Variants in KCND2 observed in about 807,000 individuals in gnomAD.
The protein encoded by KCND2 is potassium voltage-gated channel subfamily D member 2.
KCND2 carries 16 observed loss-of-function variants against 54.4 expected under a neutral mutation model. That is an observed-to-expected ratio of 0.29 (90% CI 0.20 to 0.45). The LOEUF (loss-of-function observed/expected upper bound fraction) is 0.45, where lower values mean the gene tolerates loss of function less well. KCND2 is among the 20% of genes least tolerant of loss of function. KCND2 has a pLI of 1.00. For missense variants in KCND2, 486 were observed against 824.2 expected (o/e 0.59, Z 5.02); for synonymous variants, 317 against 310.7 (o/e 1.02, Z -0.21).
At chr7:120,580,081 T>C (rs1027619229) in intron 1 of KCND2, among the ~76,000 whole-genome samples, 8 of 152,374 alleles carry the variant, frequency 5.3e-5, no homozygotes, top group African/African-American at 1.9e-4. Flanking sequence ...TCCCAGTCTC[T>C]GTCCCATCGC....
intron 1 of KCND2, among the ~76,000 whole-genome samples, chr7:120,700,737 G>C (rs1792390227): frequency 6.6e-6 from 1 of 152,094 alleles, no homozygotes. Flanking sequence ...TTTTTTGATG[G>C]TTAAGATTTA....
At chr7:120,347,829 CG>C (rs1800343503) in intron 1 of KCND2, among the ~76,000 whole-genome samples, 1 of 151,768 alleles carries the variant, frequency 6.6e-6, no homozygotes, top group African/African-American at 2.4e-5. Context: ...AACAAAGAAC[CG>C]TAGACAGAGT....
chr7:120,272,958 C>G (rs1247513560), upstream of KCND2, among the ~76,000 whole-genome samples: 1 of 152,068 alleles, frequency 6.6e-6, no homozygotes, highest in Admixed American at 6.5e-5. Context: ...CACGGGTCCC[C>G]TTTCTCCTCT....
At chr7:120,704,124 CCTT>C (rs1792436473) in intron 1 of KCND2, among the ~76,000 whole-genome samples, 1 of 152,288 alleles carries the variant, frequency 6.6e-6, no homozygotes, top group South Asian at 2.1e-4. Flanking sequence ...TGTCTACTCT[CCTT>C]CTAATAGAAT....
At chr7:120,355,295 C>G (rs1344092247) in intron 1 of KCND2, among the ~76,000 whole-genome samples, 1 of 152,110 alleles carries the variant, frequency 6.6e-6, no homozygotes, top group East Asian at 1.9e-4. Flanking sequence ...TGCCATAATC[C>G]CAGTGCTTTG....
At chr7:120,661,965 G>T (rs1791871161) in intron 1 of KCND2, among the ~76,000 whole-genome samples, 2 of 152,152 alleles carry the variant, frequency 1.3e-5, no homozygotes, top group South Asian at 4.1e-4. Context: ...CTGAAAGCAG[G>T]ACATTAAACT....
intron 1 of KCND2, among the ~76,000 whole-genome samples, chr7:120,303,105 T>TA (rs200710130): frequency 3.6e-4 from 54 of 150,528 alleles, no homozygotes; most frequent in East Asian, 2.5e-3. Context: ...ACAGTTGTTA[T>TA]AAAAAAAAAG....
chr7:120,728,682 A>T (rs950177508), intron 1 of KCND2, among the ~76,000 whole-genome samples: 7 of 152,024 alleles, frequency 4.6e-5, no homozygotes, highest in South Asian at 2.1e-4. Flanking sequence ...ATACAGAAAA[A>T]ATATATATAT....
chr7:120,292,122 G>A (rs942821251), intron 1 of KCND2, among the ~76,000 whole-genome samples: 1 of 151,622 alleles, frequency 6.6e-6, no homozygotes, highest in Non-Finnish European at 1.5e-5. Flanking sequence ...AATAAATAAT[G>A]CAATATTACC....
At chr7:120,710,456 A>G (rs1464358459) in intron 1 of KCND2, among the ~76,000 whole-genome samples, 4 of 152,182 alleles carry the variant, frequency 2.6e-5, no homozygotes, top group Non-Finnish European at 5.9e-5. Context: ...TATTTTAGCC[A>G]GGAGAAGAAC....
At chr7:120,630,178 CG>C (rs970461084) in intron 1 of KCND2, among the ~76,000 whole-genome samples, 1 of 151,702 alleles carries the variant, frequency 6.6e-6, no homozygotes, top group Non-Finnish European at 1.5e-5. Flanking sequence ...GTTAGCAAGT[CG>C]GTTTCATATT....
intron 1 of KCND2, among the ~76,000 whole-genome samples, chr7:120,331,335 A>C (rs1344476504): frequency 6.6e-6 from 1 of 152,138 alleles, no homozygotes; most frequent in Non-Finnish European, 1.5e-5. Flanking sequence ...AAAAGGATCA[A>C]GGTAAAGGCC....
intron 1 of KCND2, among the ~76,000 whole-genome samples, chr7:120,637,719 T>C (rs1361454312): frequency 6.6e-6 from 1 of 152,136 alleles, no homozygotes; most frequent in Non-Finnish European, 1.5e-5. Flanking sequence ...TTTTATTAAG[T>C]CAGAATTGGA....
intron 1 of KCND2, among the ~76,000 whole-genome samples, chr7:120,287,939 G>A (rs1860704): frequency 0.67 from 101,262 of 152,034 alleles, 38,303 homozygotes; most frequent in South Asian, 0.91. Flanking sequence ...CAGAAGTCTT[G>A]AATACAGGTA....
At chr7:120,675,239 T>G (rs779310386) in intron 1 of KCND2, among the ~76,000 whole-genome samples, 4 of 152,076 alleles carry the variant, frequency 2.6e-5, no homozygotes, top group Non-Finnish European at 5.9e-5. Context: ...TTTGTTTGTT[T>G]GTTTGTTTTT....
At chr7:120,551,839 G>T (rs552209015) in intron 1 of KCND2, among the ~76,000 whole-genome samples, 14 of 152,090 alleles carry the variant, frequency 9.2e-5, no homozygotes, top group Non-Finnish European at 1.9e-4. Context: ...CTGTGCTCAG[G>T]AACTCAAGAA....
At chr7:120,690,871 T>A (rs1306797719) in intron 1 of KCND2, among the ~76,000 whole-genome samples, 2 of 152,006 alleles carry the variant, frequency 1.3e-5, no homozygotes, top group Non-Finnish European at 2.9e-5. Context: ...ATGCATAGTA[T>A]GTTAGAGGGT....
At chr7:120,631,399 A>C (rs1172091225) in intron 1 of KCND2, among the ~76,000 whole-genome samples, 1 of 152,118 alleles carries the variant, frequency 6.6e-6, no homozygotes, top group African/African-American at 2.4e-5. Flanking sequence ...AAGTTTAAAA[A>C]ATAAAATTGT....
intron 1 of KCND2, among the ~76,000 whole-genome samples, chr7:120,308,835 A>G (rs1799686427): frequency 6.6e-6 from 1 of 152,192 alleles, no homozygotes; most frequent in African/African-American, 2.4e-5. Flanking sequence ...AATAAAGCAA[A>G]TAAAGGATTC....
Sources: gnomAD v4.1 joint callset for allele counts (sites outside exome capture counted in the v4.1 genomes callset) on GRCh38, gnomAD v4.1.1 for gene constraint, MANE v1.5 for transcripts, NCBI Gene and HGNC (gene_info 2026-07-23, HGNC 2026-07-21) for gene names.